The following FAM184A variants were observed in gnomAD, a reference collection of about 807,000 sequenced individuals.
FAM184A encodes the protein family with sequence similarity 184 member A.
FAM184A carries 99 observed loss-of-function variants against 143.8 expected under a neutral mutation model. The observed-to-expected ratio is 0.69, with a 90% CI of 0.58 to 0.81. The LOEUF (loss-of-function observed/expected upper bound fraction) is 0.81, where lower values mean the gene tolerates loss of function less well. FAM184A is among the 40% of genes least tolerant of loss of function. The probability of loss-of-function intolerance (pLI) is 0.00; values close to 1 mark genes in which losing one functional copy is unlikely to be tolerated. For synonymous variants in FAM184A, 427 were observed against 446.4 expected (o/e 0.96, Z 0.55); for missense variants, 1,217 against 1,310.5 (o/e 0.93, Z 1.10).
In FAM184A at chr6:119,023,996, A is replaced by G. The variant is rs911036614; in HGVS notation, c.977T>C (p.Leu326Pro). 1.2e-6 allele frequency: 2 copies of G among 1,606,294 alleles called. No individual in the cohort carries two copies. The highest frequency in any genetic ancestry group is 1.7e-6 in the Non-Finnish European group (2 of 1,177,900). Residue 326 changes from leucine to proline, a missense_variant, in exon 2 of 18, where the codon CTT (leucine) becomes CCT (proline). Leu to Pro is a moderately conservative substitution (Grantham distance 98). Transcript: ENST00000338891. ...AGSLLDKCQK[L>P]QTALAIAENN... is the part of the protein sequence containing the mutation. ...CTCTGCTATGGCAAGTGCCGTCTGA[A>G]GCTTTTGGCATTTGTCAAGAAGACT...
chr6:119,054,590 T>C (rs1316582907), intron 1 of FAM184A, among the ~76,000 whole-genome samples: 1 of 152,160 alleles, frequency 6.6e-6, no homozygotes, highest in Admixed American at 6.5e-5. Flanking sequence ...TTTCAACATA[T>C]GAAGTTTGGG....
rs960553862 is a variant in FAM184A, at chr6:118,959,907, T to C, written c.*196A>G. 2.7e-6 allele frequency: 1 copy of C among 372,602 alleles called. No individual in the cohort carries two copies. Among genetic ancestry groups the C allele is most frequent in the Non-Finnish European group, 4.8e-6 (1 of 209,690 alleles). 23.1% of individuals were successfully genotyped at this position (372,602 alleles called of 1,614,324 possible). A position where few individuals can be genotyped will look rare whatever the true frequency, so the allele number is the denominator to read the frequency against. ...CCATCTCAAATAAAAATAACAGTTA[T>C]AATTACACACATAATATAGTACCTT... is the stretch of plus-strand genomic sequence containing the variant. On this transcript the variant is annotated 3_prime_UTR_variant, in exon 18 of 18. Coordinates refer to ENST00000338891, the MANE Select transcript of FAM184A (RefSeq NM_024581.6).
chr6:118,968,911 T>C (rs766367293), intron 14 of FAM184A, among the ~76,000 whole-genome samples: 1 of 152,186 alleles, frequency 6.6e-6, no homozygotes, highest in Non-Finnish European at 1.5e-5. Flanking sequence ...AGAATTATTA[T>C]CAGTTAATCT....
At chr6:119,015,255 A>G (rs1221570904) in intron 5 of FAM184A, among the ~76,000 whole-genome samples, 1 of 152,010 alleles carries the variant, frequency 6.6e-6, no homozygotes, top group East Asian at 1.9e-4. Flanking sequence ...CTGCCGCTGC[A>G]CTGCGGGAGC....
At chr6:118,975,799 T>A in intron 12 of FAM184A, 118 bp downstream of exon 12, 1 of 983,910 alleles carries the variant, frequency 1.0e-6, no homozygotes, top group Non-Finnish European at 1.5e-6. Flanking sequence ...CTCTTCAATA[T>A]AAATAGAATG....
intron 1 of FAM184A, among the ~76,000 whole-genome samples, chr6:119,110,806 T>C (rs978676473): frequency 2.0e-5 from 3 of 152,246 alleles, no homozygotes; most frequent in Admixed American, 6.5e-5. Flanking sequence ...GCATTTCTTA[T>C]GTTGAACATA....
In FAM184A at chr6:119,023,990, G is replaced by T. The variant is rs777929359; in HGVS notation, c.983C>A (p.Thr328Lys). ...SLLDKCQKLQ[T>K]ALAIAENNVQ... ...ATTGTTCTCTGCTATGGCAAGTGCC[G>T]TCTGAAGCTTTTGGCATTTGTCAAG... Residue 328 changes from threonine to lysine, a missense_variant, in exon 2 of 18, where the codon ACG becomes AAG. Transcript: ENST00000338891. The T allele has an allele frequency of 3.7e-6, 6 of 1,605,246 alleles. No homozygotes were observed. Among genetic ancestry groups the T allele is most frequent in the Non-Finnish European group, 5.1e-6 (6 of 1,177,394 alleles).
upstream of FAM184A, among the ~76,000 whole-genome samples, chr6:119,079,478 C>T (rs1451075655): frequency 6.6e-6 from 1 of 152,210 alleles, no homozygotes; most frequent in Non-Finnish European, 1.5e-5. Flanking sequence ...TGCATTTTCG[C>T]CTTCATAAAT....
At chr6:118,985,900 TG>T (rs1224763007) in intron 9 of FAM184A, among the ~76,000 whole-genome samples, 1 of 152,064 alleles carries the variant, frequency 6.6e-6, no homozygotes, top group African/African-American at 2.4e-5. Flanking sequence ...TTAACGAAAA[TG>T]GTCATGTAAA....
chr6:119,053,622 T>TA (rs1285588546), intron 1 of FAM184A, among the ~76,000 whole-genome samples: 1 of 152,180 alleles, frequency 6.6e-6, no homozygotes, highest in Non-Finnish European at 1.5e-5. Context: ...TAGGATGTAG[T>TA]ATAAGAATCA....
chr6:119,134,580 G>T (rs1415521397), intron 1 of FAM184A, among the ~76,000 whole-genome samples: 1 of 150,266 alleles, frequency 6.7e-6, no homozygotes, highest in Non-Finnish European at 1.5e-5. Flanking sequence ...CTTGAGCCCA[G>T]GAGGTCGAGG....
intron 1 of FAM184A, among the ~76,000 whole-genome samples, chr6:119,116,642 C>A (rs1303032985): frequency 6.6e-6 from 1 of 152,170 alleles, no homozygotes; most frequent in East Asian, 1.9e-4. Flanking sequence ...CGATAAATGT[C>A]CACAGTGCTG....
intron 1 of FAM184A, chr6:119,025,381 C>T: frequency 4.0e-6 from 2 of 504,752 alleles, no homozygotes; most frequent in Non-Finnish European, 7.9e-6. Context: ...AAAGCTGATC[C>T]TCTTCTCTCT....
At chr6:119,050,462 T>TA (rs980061731) in intron 1 of FAM184A, among the ~76,000 whole-genome samples, 1 of 107,236 alleles carries the variant, frequency 9.3e-6, no homozygotes, top group Non-Finnish European at 2.0e-5. Context: ...GTTTTTTTTT[T>TA]AAAAAAAGGG....
chr6:119,049,931 T>A (rs554061492), intron 1 of FAM184A, among the ~76,000 whole-genome samples: 55 of 152,308 alleles, frequency 3.6e-4, no homozygotes, highest in African/African-American at 1.3e-3. Flanking sequence ...TTGCAAACTA[T>A]GCATCTGACA....
rs535257109 is a variant in FAM184A at position 118,988,310 on chromosome 6, A to G, written c.2089-7960T>C. Among the ~76,000 whole-genome samples, 6 of 152,370 alleles carry G rather than the reference A, an allele frequency of 3.9e-5. No homozygotes were observed. In the East Asian group the frequency reaches 1.2e-3, roughly 29 times the overall value. On this transcript the variant is annotated intron_variant, in intron 9 of 17. Transcript: ENST00000338891. ...TAAAGACACACAGTCTAAATTATCTATAATCCCTTAAAACAATGTCTGATA... is the reference window on the plus strand; with the variant it reads ...TAAAGACACACAGTCTAAATTATCTGTAATCCCTTAAAACAATGTCTGATA...
At chr6:119,007,368 CAA>C (rs954890741) in intron 6 of FAM184A, among the ~76,000 whole-genome samples, 1 of 148,134 alleles carries the variant, frequency 6.8e-6, no homozygotes, top group African/African-American at 2.5e-5. Flanking sequence ...ACAGACATTA[CAA>C]AAAAAAAATA....
chr6:118,995,271 A>G (rs1784512004), intron 9 of FAM184A, among the ~76,000 whole-genome samples: 1 of 151,876 alleles, frequency 6.6e-6, no homozygotes, highest in Non-Finnish European at 1.5e-5. Flanking sequence ...GCAAAAATTA[A>G]CTGAGTGTGG....
intron 9 of FAM184A, among the ~76,000 whole-genome samples, chr6:118,998,370 G>C (rs1239776565): frequency 3.3e-5 from 5 of 152,164 alleles, no homozygotes. Context: ...TTCAACAACT[G>C]CCAAGTGCTT....
Sources: gnomAD v4.1 joint callset for allele counts (sites outside exome capture counted in the v4.1 genomes callset) on GRCh38, gnomAD v4.1.1 for gene constraint, MANE v1.5 for transcripts, NCBI Gene and HGNC (gene_info 2026-07-23, HGNC 2026-07-21) for gene names.